CTNNAL1: variants seen among roughly 807,000 people sequenced by gnomAD.
CTNNAL1 encodes the protein alpha-catulin.
Under a neutral mutation model 93.6 loss-of-function variants are expected in CTNNAL1, and 69 were observed. That is an observed-to-expected ratio of 0.74 (90% CI 0.61 to 0.90). The LOEUF (loss-of-function observed/expected upper bound fraction) is 0.90. Ranked by LOEUF, CTNNAL1 falls within the 40% of genes least tolerant of loss-of-function variation. The pLI, the probability that CTNNAL1 is intolerant of heterozygous loss-of-function variation, is 0.00. For missense variants in CTNNAL1, 836 were observed against 862.0 expected (o/e 0.97, Z 0.38); for synonymous variants, 286 against 305.4 (o/e 0.94, Z 0.66).
chr9:108,963,908 A>C (rs1830884710), intron 11 of CTNNAL1, among the ~76,000 whole-genome samples: 1 of 152,204 alleles, frequency 6.6e-6, no homozygotes, highest in Non-Finnish European at 1.5e-5. Context: ...AGTCAAGGAC[A>C]CTTGGGCCCG....
intron 8 of CTNNAL1, among the ~76,000 whole-genome samples, chr9:108,975,712 C>A (rs1831248520): frequency 6.6e-6 from 1 of 152,156 alleles, no homozygotes; most frequent in African/African-American, 2.4e-5. Flanking sequence ...AATTGGTAAA[C>A]TTTTTCTGTG....
chr9:108,999,496 C>T (rs1269063221), intron 1 of CTNNAL1, among the ~76,000 whole-genome samples: 1 of 152,180 alleles, frequency 6.6e-6, no homozygotes, highest in Non-Finnish European at 1.5e-5. Flanking sequence ...TGCAGTTTAT[C>T]TGGGGCATAC....
intron 11 of CTNNAL1, 28 bp from the exon 12 acceptor site, chr9:108,955,855 A>C: frequency 2.1e-6 from 3 of 1,447,264 alleles, no homozygotes; most frequent in South Asian, 2.9e-5. Context: ...AACTTAAAAA[A>C]TTTTTTCTAT....
At chr9:108,947,871 A>G (rs907435723) in intron 15 of CTNNAL1, among the ~76,000 whole-genome samples, 4 of 152,194 alleles carry the variant, frequency 2.6e-5, no homozygotes, top group Non-Finnish European at 5.9e-5. Context: ...AGAACTCTGG[A>G]TTTGCATCTG....
At chr9:108,955,449 C>T (rs888110123) in intron 12 of CTNNAL1, among the ~76,000 whole-genome samples, 1 of 152,206 alleles carries the variant, frequency 6.6e-6, no homozygotes, top group Admixed American at 6.5e-5. Flanking sequence ...TCCAACATGA[C>T]TTCTCAAAGT....
chr9:108,964,826 TCTA>T (rs1227589919), intron 11 of CTNNAL1, among the ~76,000 whole-genome samples: 2 of 151,682 alleles, frequency 1.3e-5, no homozygotes, highest in Non-Finnish European at 2.9e-5. Flanking sequence ...AATTCAGAGA[TCTA>T]CTATGCTGTT....
chr9:108,966,324 G>C (rs980295172), intron 10 of CTNNAL1, among the ~76,000 whole-genome samples: 17 of 152,190 alleles, frequency 1.1e-4, no homozygotes, highest in Non-Finnish European at 2.9e-5. Context: ...ATAAATTGTT[G>C]CAGAGACTGC....
At chr9:109,008,799 T>C (rs911207163) in intron 1 of CTNNAL1, among the ~76,000 whole-genome samples, 2 of 151,516 alleles carry the variant, frequency 1.3e-5, no homozygotes, top group Non-Finnish European at 2.9e-5. Context: ...GTACTACAAA[T>C]CATTTGTTGG....
intron 11 of CTNNAL1, among the ~76,000 whole-genome samples, chr9:108,960,310 C>T (rs1458943745): frequency 6.6e-6 from 1 of 152,106 alleles, no homozygotes; most frequent in Admixed American, 6.5e-5. Flanking sequence ...TTCTTAGTCC[C>T]CTTATCTTCA....
intron 1 of CTNNAL1, among the ~76,000 whole-genome samples, chr9:109,002,450 C>A (rs56225563): frequency 1.6e-4 from 24 of 152,234 alleles, no homozygotes; most frequent in Non-Finnish European, 3.1e-4. Flanking sequence ...TGAGAAAAAT[C>A]TTACCGGAAA....
chr9:109,009,348 T>C (rs886536393), intron 1 of CTNNAL1, among the ~76,000 whole-genome samples: 1 of 152,214 alleles, frequency 6.6e-6, no homozygotes, highest in African/African-American at 2.4e-5. Flanking sequence ...TACTTTCATA[T>C]TGTCTTTAAT....
rs1350538786 is a variant in CTNNAL1, at chr9:109,013,340, G to A, written c.103C>T (p.Arg35Cys). 2 of 1,515,864 alleles carry A rather than the reference G, an allele frequency of 1.3e-6. No individual in the cohort carries two copies. The highest frequency in any genetic ancestry group is 4.3e-5 in the Admixed American group (2 of 46,626). The allele number at this position is 1,515,864 out of a possible 1,614,324, so 93.9% of individuals were successfully genotyped here. Reference protein sequence around the residue: ...ALDSGLEIKTRSVEQTLLPLV... With the variant: ...ALDSGLEIKTCSVEQTLLPLV... The stretch of plus-strand genomic sequence containing the variant: ...GGGAGTAGCGTCTGCTCCACCGAGC[G>A]AGTTTTGATCTCCAGTCCCGAGTCG... The change falls in exon 1 of 19, where the codon CGC (arginine) becomes TGC (cysteine). Residue 35 changes from arginine to cysteine, a missense_variant. Arg to Cys is a radical substitution (Grantham distance 180). Transcript: ENST00000325551.
At chr9:108,971,397 G>A (rs1465636151) in intron 9 of CTNNAL1, among the ~76,000 whole-genome samples, 1 of 152,148 alleles carries the variant, frequency 6.6e-6, no homozygotes, top group Non-Finnish European at 1.5e-5. Context: ...TTGTTTGGTT[G>A]TTGATATGGT....
intron 8 of CTNNAL1, among the ~76,000 whole-genome samples, chr9:108,974,602 G>A (rs1403633434): frequency 6.6e-6 from 1 of 152,176 alleles, no homozygotes; most frequent in African/African-American, 2.4e-5. Context: ...CGGAGGCCAA[G>A]GCAGAAACAC....
At chr9:108,944,359 A>T (rs1284062258) in intron 15 of CTNNAL1, among the ~76,000 whole-genome samples, 1 of 152,212 alleles carries the variant, frequency 6.6e-6, no homozygotes, top group East Asian at 1.9e-4. Flanking sequence ...AATATGCTCA[A>T]TTATAAAAGG....
At chr9:108,985,944 A>T (rs1016853409) in intron 4 of CTNNAL1, among the ~76,000 whole-genome samples, 2 of 152,116 alleles carry the variant, frequency 1.3e-5, no homozygotes, top group Admixed American at 6.5e-5. Context: ...ATGGTCCATG[A>T]AGCACTAAGC....
At chr9:108,965,020 C>T (rs1466035844) in intron 11 of CTNNAL1, among the ~76,000 whole-genome samples, 2 of 151,960 alleles carry the variant, frequency 1.3e-5, no homozygotes, top group East Asian at 1.9e-4. Flanking sequence ...TCAACACATT[C>T]GGCTAATTTT....
At chr9:108,993,647 C>A (rs549162263) in intron 2 of CTNNAL1, among the ~76,000 whole-genome samples, 2 of 152,160 alleles carry the variant, frequency 1.3e-5, no homozygotes, top group Non-Finnish European at 2.9e-5. Flanking sequence ...ATAAAACAAT[C>A]CAAGTATTCT....
At position 108,983,244 on chromosome 9, in the gene CTNNAL1, C is replaced by T; in HGVS notation, c.801G>A (p.Val267=). 1 of 1,596,832 alleles carries T rather than the reference C, an allele frequency of 6.3e-7. No individual in the cohort carries two copies. The highest frequency in any genetic ancestry group is 1.7e-4 in the Middle Eastern group (1 of 6,008). ...NKEGVFDRMK[V]ALDKVIEIVT... ...CAATTTCAATGACCTTATCCAATGC[C>T]ACTTTCATACGGTCAAATACTCCTT... The change falls in exon 6 of 19, where the codon GTG becomes GTA. Residue 267 remains valine (V), a synonymous_variant. Coordinates refer to ENST00000325551, the MANE Select transcript of CTNNAL1 (RefSeq NM_003798.4).
Sources: allele counts gnomAD v4.1 joint callset (sites outside exome capture counted in the v4.1 genomes callset), GRCh38; gene constraint gnomAD v4.1.1; transcripts MANE v1.5; gene names NCBI Gene and HGNC (gene_info 2026-07-23, HGNC 2026-07-21).